Variants in SPAG17 observed in about 807,000 individuals in gnomAD.
The protein encoded by SPAG17 is sperm-associated antigen 17.
SPAG17 carries 169 observed loss-of-function variants against 273.6 expected under a neutral mutation model. The ratio of observed to expected loss-of-function variants is 0.62; its 90% CI spans 0.55 to 0.70. The LOEUF is 0.70. Ranked by LOEUF, SPAG17 falls within the 30% of genes least tolerant of loss-of-function variation. The probability of loss-of-function intolerance (pLI) is 0.00; values close to 1 mark genes in which losing one functional copy is unlikely to be tolerated. For missense variants in SPAG17, 2,557 were observed against 2,627.8 expected (o/e 0.97, Z 0.59); for synonymous variants, 825 against 873.2 (o/e 0.94, Z 0.97).
At chr1:118,096,931 T>C (rs1163716470) in intron 7 of SPAG17, among the ~76,000 whole-genome samples, 3 of 152,068 alleles carry the variant, frequency 2.0e-5, no homozygotes, top group Non-Finnish European at 4.4e-5. Flanking sequence ...CTTGGCCAAA[T>C]ATATTAAAAA....
At chr1:118,165,159 G>C (rs1378291883) in intron 1 of SPAG17, among the ~76,000 whole-genome samples, 2 of 152,240 alleles carry the variant, frequency 1.3e-5, no homozygotes, top group Non-Finnish European at 2.9e-5. Flanking sequence ...TTGAGTGCTA[G>C]TGTGGATCAG....
In SPAG17 at chr1:118,115,394, G is replaced by T. The variant is rs1310908696; in HGVS notation, c.363C>A (p.Thr121=). The T allele has an allele frequency of 1.9e-6, 3 of 1,613,358 alleles. No homozygotes were observed. In the African/African-American group the frequency reaches 4.0e-5, roughly 22 times the overall value. The change falls in exon 4 of 49, where the codon ACC becomes ACA. Residue 121 remains threonine, a synonymous_variant. Transcript: ENST00000336338. ...TCAAGAGTTTCCCTATCAGTGGTAAGGTTAATTTCTCTCCACTATCCATAA... is the reference window on the plus strand; with the variant it reads ...TCAAGAGTTTCCCTATCAGTGGTAATGTTAATTTCTCTCCACTATCCATAA... ...KAIMDSGEKL[T]LPLIGKLLKF...
chr1:118,025,462 G>T (rs367806819), intron 26 of SPAG17, 46 bp from the exon 27 acceptor site: 144 of 1,284,254 alleles, frequency 1.1e-4, no homozygotes, highest in Middle Eastern at 7.8e-4. Flanking sequence ...AATGCTGCAG[G>T]GCTGGATTTT....
intron 4 of SPAG17, among the ~76,000 whole-genome samples, chr1:118,113,095 A>C (rs1465130656): frequency 6.6e-6 from 1 of 152,126 alleles, no homozygotes; most frequent in African/African-American, 2.4e-5. Context: ...GATTCTTAAA[A>C]ATACAATTTC....
At chr1:118,030,639 C>G (rs1398624529) in intron 25 of SPAG17, among the ~76,000 whole-genome samples, 3 of 152,000 alleles carry the variant, frequency 2.0e-5, no homozygotes, top group Non-Finnish European at 4.4e-5. Context: ...CCCCTCCCTG[C>G]GTCCATGTGT....
At position 118,031,868 on chromosome 1, in the gene SPAG17, C is replaced by T. The variant is rs1340008037; in HGVS notation, c.3434-1G>A. The T allele has an allele frequency of 6.4e-7, 1 of 1,559,848 alleles. No homozygotes were observed. The highest frequency in any genetic ancestry group is 1.2e-5 in the South Asian group (1 of 81,536). On this transcript the variant is annotated splice_acceptor_variant, in intron 24 of 48. Transcript: ENST00000336338. LOFTEE classifies it high-confidence loss of function. ...GTTTCTAAATCAGGATCCTTATCTT[C>T]TATAAGCAGAAAAAGTAAAAATGAA...
At chr1:118,111,344 C>G (rs1656741288) in intron 4 of SPAG17, among the ~76,000 whole-genome samples, 1 of 152,070 alleles carries the variant, frequency 6.6e-6, no homozygotes, top group Non-Finnish European at 1.5e-5. Context: ...GTGGGATCCT[C>G]ATTTCGATAA....
intron 31 of SPAG17, among the ~76,000 whole-genome samples, chr1:118,007,068 G>A (rs138003184): frequency 3.8e-4 from 57 of 151,670 alleles, no homozygotes; most frequent in Non-Finnish European, 7.7e-4. Context: ...ATCTTTTCAC[G>A]TTCTTGGTGG....
chr1:118,172,692 G>A (rs979885388), intron 1 of SPAG17, among the ~76,000 whole-genome samples: 6 of 152,174 alleles, frequency 3.9e-5, no homozygotes, highest in African/African-American at 1.4e-4. Context: ...GGGAACAAAA[G>A]GCCCATATTT....
intron 42 of SPAG17, among the ~76,000 whole-genome samples, chr1:117,981,763 T>C (rs975618997): frequency 2.6e-5 from 4 of 152,250 alleles, no homozygotes; most frequent in African/African-American, 9.6e-5. Flanking sequence ...TGAGATGTTA[T>C]CTTTTTTCAG....
chr1:117,956,035 G>A (rs1189631107), intron 48 of SPAG17, among the ~76,000 whole-genome samples: 2 of 152,178 alleles, frequency 1.3e-5, no homozygotes, highest in South Asian at 2.1e-4. Flanking sequence ...TGTTGCCAGT[G>A]TGTGAGCCAA....
At chr1:117,958,767 CTTTTTT>C in intron 48 of SPAG17, 4 of 360,390 alleles carry the variant, frequency 1.1e-5, no homozygotes, top group South Asian at 1.6e-4. Flanking sequence ...ACTTCTTTGG[CTTTTTT>C]TTTTTTTTTT....
intron 25 of SPAG17, among the ~76,000 whole-genome samples, chr1:118,028,879 C>G (rs1452992189): frequency 1.3e-5 from 2 of 152,236 alleles, no homozygotes; most frequent in Non-Finnish European, 2.9e-5. Context: ...GGGATTAGTG[C>G]TTTTAAAGAA....
chr1:118,066,969 C>T, intron 17 of SPAG17, 70 bp from the exon 18 acceptor site: 1 of 1,401,158 alleles, frequency 7.1e-7, no homozygotes, highest in Admixed American at 2.3e-5. Flanking sequence ...CCTACTAGGG[C>T]ATTTCTCTAC....
At chr1:118,088,635 A>C (rs933126090) in intron 10 of SPAG17, among the ~76,000 whole-genome samples, 4 of 152,166 alleles carry the variant, frequency 2.6e-5, no homozygotes, top group Admixed American at 1.3e-4. Context: ...TATTAACAGA[A>C]AAAATGTGTC....
Position 117,966,596 on chromosome 1 carries a change from C to G in SPAG17, c.6532+13G>C, listed in dbSNP as rs1653880770. On this transcript the variant is annotated intron_variant, in intron 47 of 48. Transcript: ENST00000336338. ...ACTATATATGATTACTCAAGTTGAA[C>G]TTTAAAGGATATTTGCTTCCACAGG... The G allele has an allele frequency of 6.3e-7, 1 of 1,596,468 alleles. No individual in the cohort carries two copies. Among genetic ancestry groups the G allele is most frequent in the East Asian group, 2.2e-5 (1 of 44,478 alleles).
intron 3 of SPAG17, among the ~76,000 whole-genome samples, chr1:118,119,181 TAGAG>T (rs746339186): frequency 2.0e-5 from 3 of 151,982 alleles, no homozygotes; most frequent in African/African-American, 7.3e-5. Flanking sequence ...ATATATAAGA[TAGAG>T]AGAGAGAGAT....
intron 35 of SPAG17, 105 bp downstream of exon 35, chr1:117,994,301 G>A (rs911946923): frequency 3.3e-6 from 4 of 1,217,006 alleles, no homozygotes; most frequent in East Asian, 2.6e-5. Context: ...ATTTACATAA[G>A]AATGAAAATA....
intron 20 of SPAG17, 144 bp downstream of exon 20, chr1:118,053,858 A>G: frequency 1.7e-6 from 1 of 590,394 alleles, no homozygotes; most frequent in South Asian, 2.4e-5. Context: ...CAGGTCAAAA[A>G]GAGATGGTCT....
Sources: allele counts gnomAD v4.1 joint callset (sites outside exome capture counted in the v4.1 genomes callset), GRCh38; gene constraint gnomAD v4.1.1; transcripts MANE v1.5; gene names NCBI Gene and HGNC (gene_info 2026-07-23, HGNC 2026-07-21).